FBN1: variants seen among roughly 807,000 people sequenced by gnomAD.
FBN1 encodes the protein fibrillin-1.
In FBN1, 29 loss-of-function variants were observed where a neutral mutation model predicts 365.1. The ratio of observed to expected loss-of-function variants is 0.08; its 90% CI spans 0.06 to 0.11. The LOEUF is 0.11. Among genes scored for constraint, FBN1 ranks in the 10% least tolerant of loss-of-function variants. The pLI is 1.00. For missense variants in FBN1, 2,476 were observed against 3,703.2 expected, an observed-to-expected ratio of 0.67 and a Z score of 8.60; for synonymous variants, 1,210 against 1,270.5, an observed-to-expected ratio of 0.95 and a Z score of 1.01.
intron 4 of FBN1, among the ~76,000 whole-genome samples, chr15:48,607,628 T>C (rs533866029): frequency 7.9e-5 from 12 of 152,014 alleles, no homozygotes; most frequent in African/African-American, 2.9e-4. Context: ...ACATGTAATC[T>C]GCTGGCCTCT....
chr15:48,463,337 T>C lies in FBN1; in HGVS notation c.5066-97A>G, dbSNP rs12595794. 1,584 of 1,170,936 alleles carry C rather than the reference T, an allele frequency of 1.4e-3. 38 individuals are homozygous for C. The East Asian group carries it at 0.035, about 26-fold the overall frequency. 72.5% of individuals were successfully genotyped at this position (1,170,936 alleles called of 1,614,324 possible). ...TGGATACTCAACAAGCAAGTTTCAT[T>C]TGAATTGTATTGTAGCTTGACTTTG... is the stretch of plus-strand genomic sequence containing the variant. On this transcript the variant is annotated intron_variant, in intron 41 of 65. Transcript: ENST00000316623.
At position 48,489,999 on chromosome 15, in the gene FBN1, G is replaced by C. The variant is rs138438849; in HGVS notation, c.2934C>G (p.Asp978Glu). ...CTGCCCCGACGGAGCAGCAGCAGGC[G>C]TCCATGCGGTGGCGGCCAGCAATAG... The part of the protein sequence containing the change: ...TLPIAGRHRM[D>E]ACCCSVGAAW... The change falls in exon 25 of 66, where the codon GAC becomes GAG. Residue 978 changes from aspartate (D) to glutamate (E), a missense_variant. This residue lies in a region of FBN1 where 1,780 missense variants were observed against 2,840.8 expected (regional missense o/e 0.63). Coordinates refer to ENST00000316623, the MANE Select transcript of FBN1 (RefSeq NM_000138.5). 358 of 1,614,094 alleles carry C rather than the reference G, an allele frequency of 2.2e-4. 1 individual carries two copies. The African/African-American group carries it at 4.5e-3, about 20-fold the overall frequency.
In FBN1 at chr15:48,437,358, T is replaced by C; in HGVS notation, c.6343A>G (p.Ser2115Gly). Residue 2115 changes from serine (S) to glycine (G), a missense_variant, in exon 52 of 66, where the codon AGT becomes GGT. By Grantham distance (56) the Ser-to-Gly change is moderately conservative. Transcript: ENST00000316623. ...TCATCAGGTCCCACGATGATCCCACTTCCATAAGGACATATCTGGCGGAAG... is the reference window on the plus strand; with the variant it reads ...TCATCAGGTCCCACGATGATCCCACCTCCATAAGGACATATCTGGCGGAAG... ...EAFRQICPYG[S>G]GIIVGPDDSA... 1.2e-6 allele frequency: 2 copies of C among 1,613,554 alleles called. No homozygotes were observed. The highest frequency in any genetic ancestry group is 1.7e-6 in the Non-Finnish European group (2 of 1,179,662).
intron 60 of FBN1, 65 bp from the exon 61 acceptor site, chr15:48,422,133 C>T: frequency 1.8e-6 from 2 of 1,099,384 alleles, no homozygotes; most frequent in Admixed American, 1.7e-5. Context: ...GAAGCTGACC[C>T]TATGAAGCAG....
intron 6 of FBN1, among the ~76,000 whole-genome samples, chr15:48,589,218 C>T (rs2044458034): frequency 6.6e-6 from 1 of 152,108 alleles, no homozygotes; most frequent in South Asian, 2.1e-4. Flanking sequence ...CCTCTGCCCC[C>T]ATTAAAGGAA....
chr15:48,518,855 C>T (rs1233939592), intron 10 of FBN1, among the ~76,000 whole-genome samples: 1 of 152,178 alleles, frequency 6.6e-6, no homozygotes, highest in African/African-American at 2.4e-5. Context: ...CAAACAAAAA[C>T]CTACCTGCAA....
intron 10 of FBN1, among the ~76,000 whole-genome samples, chr15:48,518,244 C>A (rs1446262018): frequency 6.6e-6 from 1 of 152,166 alleles, no homozygotes; most frequent in Non-Finnish European, 1.5e-5. Context: ...CGTGCCATAT[C>A]CACCATTCCC....
chr15:48,555,284 G>A (rs117339024), intron 6 of FBN1, among the ~76,000 whole-genome samples: 4,448 of 152,050 alleles, frequency 0.029, 94 homozygotes, highest in Non-Finnish European at 0.04. Flanking sequence ...ACCCCCTTTC[G>A]CCCAGCATGA....
chr15:48,435,908 T>C (rs372275823), intron 53 of FBN1, among the ~76,000 whole-genome samples: 2 of 151,838 alleles, frequency 1.3e-5, no homozygotes, highest in East Asian at 3.9e-4. Flanking sequence ...GAAATAATTT[T>C]GAGAAATAAC....
intron 8 of FBN1, among the ~76,000 whole-genome samples, chr15:48,528,506 G>A (rs1243918793): frequency 6.6e-6 from 1 of 152,286 alleles, no homozygotes; most frequent in Non-Finnish European, 1.5e-5. Flanking sequence ...GCATTACACT[G>A]AGGCCTTCAG....
chr15:48,423,064 C>T (rs556550924), intron 60 of FBN1, among the ~76,000 whole-genome samples: 4 of 152,358 alleles, frequency 2.6e-5, no homozygotes, highest in East Asian at 3.9e-4. Flanking sequence ...GGCCTCTTTT[C>T]TCAACGCCTC....
chr15:48,520,650 G>T lies in FBN1; in HGVS notation c.1147+9C>A. Reference sequence around the variant, plus strand: ...GGGATATTCTGCAGATAACTGGAAGGGCTCTTACCGGTTGCTCTGATGGGA... The same window carrying T: ...GGGATATTCTGCAGATAACTGGAAGTGCTCTTACCGGTTGCTCTGATGGGA... On this transcript the variant is annotated intron_variant, in intron 10 of 65. Transcript: ENST00000316623. 1 of 1,613,928 alleles carries T rather than the reference G, an allele frequency of 6.2e-7. No homozygotes were observed. The highest frequency in any genetic ancestry group is 8.5e-7 in the Non-Finnish European group (1 of 1,179,902).
intron 10 of FBN1, among the ~76,000 whole-genome samples, chr15:48,518,641 T>A (rs867662059): frequency 1.3e-5 from 2 of 152,232 alleles, no homozygotes; most frequent in African/African-American, 4.8e-5. Context: ...GATTTAGTAA[T>A]CTTCTCATTG....
rs1034682956 is a variant in FBN1 at position 48,513,563 on chromosome 15, C to T, written c.1574G>A (p.Arg525Gln). 7 of 1,613,976 alleles carry T rather than the reference C, an allele frequency of 4.3e-6. No homozygotes were observed. Among genetic ancestry groups the T allele is most frequent in the African/African-American group, 1.3e-5 (1 of 75,018 alleles). Residue 525 changes from arginine to glutamine, a missense_variant, in exon 13 of 66, where the codon CGG becomes CAG. This residue lies in a region of FBN1 where 1,780 missense variants were observed against 2,840.8 expected (regional missense o/e 0.63). Transcript: ENST00000316623. ...CRAGYQSTLT[R>Q]TECRDIDECL... is the part of the protein sequence containing the mutation. ...CAGGACCATACCTCGGCATTCTGTC[C>T]GCGTGAGTGTGCTCTGATATCCAGC...
intron 30 of FBN1, 104 bp from the exon 31 acceptor site, chr15:48,484,047 T>A: frequency 8.8e-7 from 1 of 1,136,410 alleles, no homozygotes. Flanking sequence ...CCTACTAGCA[T>A]AAGACTATTA....
At chr15:48,593,723 A>G in intron 6 of FBN1, among the ~76,000 whole-genome samples, 1 of 152,210 alleles carries the variant, frequency 6.6e-6, no homozygotes, top group East Asian at 1.9e-4. Context: ...AAGAAGATGA[A>G]GAAACTATAG....
At chr15:48,599,389 T>C (rs1194345704) in intron 5 of FBN1, among the ~76,000 whole-genome samples, 1 of 152,136 alleles carries the variant, frequency 6.6e-6, no homozygotes, top group Non-Finnish European at 1.5e-5. Context: ...GTACAAAAAC[T>C]ATATATACAG....
intron 6 of FBN1, among the ~76,000 whole-genome samples, chr15:48,575,354 TGTATGTATGTA>T (rs2044337327): frequency 6.6e-6 from 1 of 152,044 alleles, no homozygotes; most frequent in Non-Finnish European, 1.5e-5. Flanking sequence ...TATGTATGTA[TGTATGTATGTA>T]TTTAGGGGGT....
At chr15:48,592,966 A>C (rs556841036) in intron 6 of FBN1, among the ~76,000 whole-genome samples, 2 of 152,224 alleles carry the variant, frequency 1.3e-5, no homozygotes, top group East Asian at 3.8e-4. Flanking sequence ...GGTAAAATAT[A>C]TCATTGCTAC....
Sources: gnomAD v4.1 joint callset for allele counts (sites outside exome capture counted in the v4.1 genomes callset) on GRCh38, gnomAD v4.1.1 for gene constraint, gnomAD v4.1.1 regional missense constraint, MANE v1.5 for transcripts, NCBI Gene and HGNC (gene_info 2026-07-23, HGNC 2026-07-21) for gene names.